The following TENT4A variants were observed in gnomAD, a reference collection of about 807,000 sequenced individuals.
TENT4A encodes DNA polymerase kappa.
Under a neutral mutation model 72.8 loss-of-function variants are expected in TENT4A, and 7 were observed. The observed-to-expected ratio is 0.10, with a 90% CI of 0.05 to 0.18. The LOEUF (loss-of-function observed/expected upper bound fraction) is 0.18, where lower values mean the gene tolerates loss of function less well. Ranked by LOEUF, TENT4A falls within the 10% of genes least tolerant of loss-of-function variation. The probability of loss-of-function intolerance (pLI) is 1.00; values close to 1 mark genes in which losing one functional copy is unlikely to be tolerated. For synonymous variants in TENT4A, 456 were observed against 434.3 expected, an observed-to-expected ratio of 1.05 and a Z score of -0.62; for missense variants, 831 against 1,017.7, an observed-to-expected ratio of 0.82 and a Z score of 2.50.
rs1742710366 is a variant in TENT4A at position 6,756,534 on chromosome 5, C to G, written c.*1589C>G. The G allele has an allele frequency of 6.6e-6, 1 of 152,350 alleles. No individual in the cohort carries two copies. Among genetic ancestry groups the G allele is most frequent in the Non-Finnish European group, 1.5e-5 (1 of 68,044 alleles). 9.4% of individuals were successfully genotyped at this position (152,350 alleles called of 1,614,324 possible). A position where few individuals can be genotyped will look rare whatever the true frequency, so the allele number is the denominator to read the frequency against. ...CAAGCTTTAAAATGTCTGCGGTCTG[C>G]CCTTTTGAAGCAGGACTGGCTCACT... On this transcript the variant is annotated 3_prime_UTR_variant, in exon 13 of 13. Coordinates refer to ENST00000230859, the MANE Select transcript of TENT4A (RefSeq NM_006999.6).
intron 4 of TENT4A, among the ~76,000 whole-genome samples, chr5:6,741,786 A>G (rs1300963838): frequency 2.6e-5 from 4 of 152,184 alleles, no homozygotes; most frequent in Non-Finnish European, 5.9e-5. Flanking sequence ...TTCGTTAGAC[A>G]CTGATTGTTT....
chr5:6,722,424 T>C (rs1579451894), intron 1 of TENT4A, among the ~76,000 whole-genome samples: 1 of 152,346 alleles, frequency 6.6e-6, no homozygotes, highest in Middle Eastern at 3.4e-3. Flanking sequence ...AGACTGAATA[T>C]TCTGAGTCTT....
At chr5:6,720,641 ACT>A (rs1295455856) in intron 1 of TENT4A, among the ~76,000 whole-genome samples, 1 of 151,846 alleles carries the variant, frequency 6.6e-6, no homozygotes, top group Non-Finnish European at 1.5e-5. Flanking sequence ...GCACCACAGC[ACT>A]CTAGCCTGGT....
chr5:6,738,651 A>T (rs760313621), intron 2 of TENT4A, 32 bp from the exon 3 acceptor site: 2 of 1,562,176 alleles, frequency 1.3e-6, no homozygotes. Context: ...GGTTTGTGGT[A>T]TACATTTTAA....
intron 1 of TENT4A, among the ~76,000 whole-genome samples, chr5:6,721,613 C>T (rs72709041): frequency 6.6e-6 from 1 of 152,298 alleles, no homozygotes; most frequent in Non-Finnish European, 1.5e-5. Flanking sequence ...TGGTGGTGTG[C>T]ACTGCATTTG....
chr5:6,739,370 G>A (rs560728656), intron 3 of TENT4A, among the ~76,000 whole-genome samples: 25 of 152,186 alleles, frequency 1.6e-4, no homozygotes, highest in Non-Finnish European at 2.9e-4. Flanking sequence ...CTCTGGGTCC[G>A]CAGGAGTGAT....
At position 6,714,710 on chromosome 5, in the gene TENT4A, G is replaced by C. The variant is rs981271170; in HGVS notation, c.716+11G>C. The stretch of plus-strand genomic sequence containing the variant: ...CCCGGGCATCCAGGGGTGAGTGCGC[G>C]GGGAGGCCGCGGGGGCGGGGGCGGG... On this transcript the variant is annotated intron_variant, in intron 1 of 12. Transcript: ENST00000230859. 3.4e-6 allele frequency: 4 copies of C among 1,183,558 alleles called. No homozygotes were observed. The highest frequency in any genetic ancestry group is 4.2e-6 in the Non-Finnish European group (4 of 955,374). 73.3% of individuals were successfully genotyped at this position (1,183,558 alleles called of 1,614,324 possible). A position where few individuals can be genotyped will look rare whatever the true frequency, so the allele number is the denominator to read the frequency against.
At chr5:6,714,958 A>C in intron 1 of TENT4A, 2 of 217,330 alleles carry the variant, frequency 9.2e-6, no homozygotes, top group Non-Finnish European at 9.0e-6. Flanking sequence ...TGTCTTTTTT[A>C]CTCTTGAGAT....
chr5:6,740,486 G>A (rs1207983146), intron 4 of TENT4A, among the ~76,000 whole-genome samples: 1 of 152,184 alleles, frequency 6.6e-6, no homozygotes, highest in East Asian at 1.9e-4. Context: ...TTTTAAATTT[G>A]TGTGTCAACT....
At chr5:6,745,786 G>A (rs2126647088) in intron 6 of TENT4A, 1 of 212,674 alleles carries the variant, frequency 4.7e-6, no homozygotes, top group East Asian at 1.5e-4. Flanking sequence ...CCGGTTTTAT[G>A]TGATACTGCC....
intron 1 of TENT4A, 36 bp from the exon 2 acceptor site, chr5:6,737,474 T>G: frequency 1.3e-6 from 2 of 1,564,594 alleles, no homozygotes; most frequent in Non-Finnish European, 1.7e-6. Flanking sequence ...TGACATTTCA[T>G]TGTAACTCTA....
intron 12 of TENT4A, 53 bp downstream of exon 12, chr5:6,753,090 G>A (rs976165730): frequency 3.3e-6 from 5 of 1,500,184 alleles, no homozygotes; most frequent in Non-Finnish European, 4.5e-6. Context: ...CCATGTGAGA[G>A]GCGGTGCTAA....
intron 1 of TENT4A, among the ~76,000 whole-genome samples, chr5:6,726,334 A>T (rs774172259): frequency 1.3e-5 from 2 of 152,154 alleles, no homozygotes; most frequent in Non-Finnish European, 2.9e-5. Flanking sequence ...CATATTCCAC[A>T]GACCTCATGC....
At position 6,737,594 on chromosome 5, in the gene TENT4A, G is replaced by C; in HGVS notation, c.801G>C (p.Arg267=). The part of the protein sequence containing the change: ...EAAMRREVVK[R]IETVVKDLWP... The stretch of plus-strand genomic sequence containing the variant: ...CTATGAGAAGAGAGGTGGTGAAACG[G>C]ATCGAAACTGTGGTGAAAGACCTTT... Residue 267 remains arginine, a synonymous_variant, in exon 2 of 13, where the codon CGG becomes CGC. Transcript: ENST00000230859. The C allele has an allele frequency of 6.2e-7, 1 of 1,614,190 alleles. No individual in the cohort carries two copies. The highest frequency in any genetic ancestry group is 2.2e-5 in the East Asian group (1 of 44,890).
intron 11 of TENT4A, among the ~76,000 whole-genome samples, chr5:6,752,050 G>A (rs1035963464): frequency 2.6e-5 from 4 of 152,270 alleles, no homozygotes; most frequent in African/African-American, 9.6e-5. Flanking sequence ...AAATTCAGGG[G>A]CAATTATTTA....
At chr5:6,742,691 A>AT in intron 5 of TENT4A, 94 bp downstream of exon 5, 1 of 741,700 alleles carries the variant, frequency 1.3e-6, no homozygotes, top group Non-Finnish European at 2.5e-6. Flanking sequence ...TCAGCTGCAC[A>AT]CACAAGTCTT....
chr5:6,748,419 A>G, intron 7 of TENT4A, 45 bp from the exon 8 acceptor site: 1 of 1,607,176 alleles, frequency 6.2e-7, no homozygotes, highest in Non-Finnish European at 8.5e-7. Context: ...CATGTGGACG[A>G]TGGTGTGCAT....
intron 1 of TENT4A, among the ~76,000 whole-genome samples, chr5:6,729,947 T>G (rs931479961): frequency 3.9e-5 from 6 of 152,184 alleles, no homozygotes; most frequent in African/African-American, 1.4e-4. Context: ...GTCTGGTGCC[T>G]CATTTTCTTC....
At chr5:6,733,136 C>G (rs963992731) in intron 1 of TENT4A, among the ~76,000 whole-genome samples, 3 of 152,222 alleles carry the variant, frequency 2.0e-5, no homozygotes, top group African/African-American at 7.2e-5. Context: ...CACTCACAGC[C>G]CCAAGCTGGA....
Sources: gnomAD v4.1 joint callset for allele counts (sites outside exome capture counted in the v4.1 genomes callset) on GRCh38, gnomAD v4.1.1 for gene constraint, MANE v1.5 for transcripts, NCBI Gene and HGNC (gene_info 2026-07-23, HGNC 2026-07-21) for gene names.